TMEM245: variants seen among roughly 807,000 people sequenced by gnomAD.
TMEM245 encodes the protein transmembrane protein 245, also known as protein CG-2.
Under a neutral mutation model 101.2 loss-of-function variants are expected in TMEM245, and 69 were observed. The ratio of observed to expected loss-of-function variants is 0.68; its 90% CI spans 0.56 to 0.83. The LOEUF (loss-of-function observed/expected upper bound fraction) is 0.83, where lower values mean the gene tolerates loss of function less well. TMEM245 is among the 40% of genes least tolerant of loss of function. TMEM245 has a pLI of 0.00. For missense variants in TMEM245, 1,075 were observed against 1,092.8 expected, an observed-to-expected ratio of 0.98 and a Z score of 0.23; for synonymous variants, 537 against 449.8, an observed-to-expected ratio of 1.19 and a Z score of -2.45.
At chr9:109,074,477 A>G (rs116960905) in intron 8 of TMEM245, among the ~76,000 whole-genome samples, 3,228 of 152,248 alleles carry the variant, frequency 0.021, 49 homozygotes, top group South Asian at 0.045. Context: ...ACAGGGAGAA[A>G]AGAAGCCACA....
intron 1 of TMEM245, among the ~76,000 whole-genome samples, chr9:109,118,670 G>A (rs1830797792): frequency 6.6e-6 from 1 of 152,224 alleles, no homozygotes; most frequent in East Asian, 1.9e-4. Context: ...TGGTACACCA[G>A]TCCCTGCACA....
chr9:109,078,951 C>T (rs948314730), intron 8 of TMEM245, among the ~76,000 whole-genome samples: 1 of 152,136 alleles, frequency 6.6e-6, no homozygotes, highest in Non-Finnish European at 1.5e-5. Context: ...GGACTTGACA[C>T]CAAAAGCACA....
At chr9:109,080,809 T>A in intron 8 of TMEM245, 30 bp downstream of exon 8, 1 of 1,337,624 alleles carries the variant, frequency 7.5e-7, no homozygotes, top group Non-Finnish European at 1.1e-6. Flanking sequence ...TAAGGGTTTA[T>A]TAATGAGAAT....
intron 17 of TMEM245, among the ~76,000 whole-genome samples, chr9:109,024,040 TTTC>T (rs1344175690): frequency 6.6e-6 from 1 of 152,094 alleles, no homozygotes; most frequent in Non-Finnish European, 1.5e-5. Flanking sequence ...TACAAATTCA[TTTC>T]ACCCCCTACC....
intron 8 of TMEM245, among the ~76,000 whole-genome samples, chr9:109,076,426 A>T (rs534243652): frequency 2.0e-5 from 3 of 151,896 alleles, no homozygotes; most frequent in Non-Finnish European, 4.4e-5. Context: ...GATACACCTA[A>T]TGTAAATGAC....
chr9:109,059,932 C>A lies in TMEM245; in HGVS notation c.1722+422G>T, dbSNP rs1376401623. ...ATGGAAAAAAAATGATATAAAATAT[C>A]TTATTAAATTTTTTCTAATGATTAT... On this transcript the variant is annotated intron_variant, in intron 11 of 17. Coordinates refer to ENST00000374586, the MANE Select transcript of TMEM245 (RefSeq NM_032012.4). 6.6e-5 allele frequency among the ~76,000 whole-genome samples: 10 copies of A among 151,802 alleles called. No individual in the cohort carries two copies. The East Asian group carries it at 1.9e-3, about 29-fold the overall frequency.
intron 9 of TMEM245, among the ~76,000 whole-genome samples, chr9:109,070,399 T>A (rs1274482061): frequency 6.6e-6 from 1 of 152,190 alleles, no homozygotes; most frequent in Non-Finnish European, 1.5e-5. Context: ...ACTCACTAAT[T>A]TCCAAAGCTA....
chr9:109,108,080 A>G (rs955162787), intron 2 of TMEM245, among the ~76,000 whole-genome samples: 7 of 152,134 alleles, frequency 4.6e-5, no homozygotes, highest in Non-Finnish European at 8.8e-5. Flanking sequence ...CCTCTTATCC[A>G]GAGTAAACAT....
chr9:109,114,988 C>A (rs1020394306), intron 1 of TMEM245, among the ~76,000 whole-genome samples: 1 of 152,072 alleles, frequency 6.6e-6, no homozygotes, highest in African/African-American at 2.4e-5. Context: ...TTTTAGGAGA[C>A]TGAAGAAATC....
intron 9 of TMEM245, among the ~76,000 whole-genome samples, chr9:109,069,286 A>G (rs1829261539): frequency 6.6e-6 from 1 of 152,110 alleles, no homozygotes; most frequent in South Asian, 2.1e-4. Flanking sequence ...AGTACAGAAG[A>G]ATGACCCAAA....
At chr9:109,031,387 T>C (rs1264714365) in intron 17 of TMEM245, among the ~76,000 whole-genome samples, 2 of 152,166 alleles carry the variant, frequency 1.3e-5, no homozygotes, top group Non-Finnish European at 2.9e-5. Flanking sequence ...TTAAATGAGA[T>C]TGTAATATAT....
intron 10 of TMEM245, among the ~76,000 whole-genome samples, chr9:109,063,544 A>G (rs1829078558): frequency 6.6e-6 from 1 of 152,330 alleles, no homozygotes; most frequent in African/African-American, 2.4e-5. Flanking sequence ...TACTGCAACA[A>G]ATCCTGTCGA....
intron 3 of TMEM245, among the ~76,000 whole-genome samples, chr9:109,102,853 T>G (rs1830315890): frequency 6.6e-6 from 1 of 152,212 alleles, no homozygotes; most frequent in Non-Finnish European, 1.5e-5. Flanking sequence ...AGTAAAGTAT[T>G]GGTCAACTGT....
intron 12 of TMEM245, among the ~76,000 whole-genome samples, chr9:109,052,083 T>C (rs187880198): frequency 1.3e-5 from 2 of 152,216 alleles, no homozygotes; most frequent in Admixed American, 1.3e-4. Context: ...AAAGGAGAGG[T>C]ACAATATTTA....
intron 3 of TMEM245, among the ~76,000 whole-genome samples, chr9:109,095,318 C>CA (rs1830110711): frequency 6.6e-6 from 1 of 152,134 alleles, no homozygotes; most frequent in Non-Finnish European, 1.5e-5. Flanking sequence ...ACCCTGCCCC[C>CA]AGGGAGTATA....
intron 6 of TMEM245, 95 bp from the exon 7 acceptor site, chr9:109,086,115 G>A: frequency 7.2e-7 from 1 of 1,380,910 alleles, no homozygotes; most frequent in South Asian, 1.2e-5. Context: ...AGGAAAGCAT[G>A]AGAAGGAAAC....
intron 1 of TMEM245, among the ~76,000 whole-genome samples, chr9:109,118,506 G>C (rs1269337202): frequency 6.6e-6 from 1 of 152,184 alleles, no homozygotes; most frequent in Non-Finnish European, 1.5e-5. Context: ...GTCTGAGTTA[G>C]GAATTGTGTC....
chr9:109,063,985 T>C (rs1188746938), intron 10 of TMEM245, among the ~76,000 whole-genome samples: 1 of 152,190 alleles, frequency 6.6e-6, no homozygotes, highest in East Asian at 1.9e-4. Context: ...AGCTCTGCAA[T>C]TTACTACACG....
At chr9:109,079,014 T>C (rs80332528) in intron 8 of TMEM245, among the ~76,000 whole-genome samples, 4,605 of 152,248 alleles carry the variant, frequency 0.03, 112 homozygotes, top group Non-Finnish European at 0.043. Context: ...TAAACACATC[T>C]GTGCACTGAA....
Sources: allele counts gnomAD v4.1 joint callset (sites outside exome capture counted in the v4.1 genomes callset), GRCh38; gene constraint gnomAD v4.1.1; transcripts MANE v1.5; gene names NCBI Gene and HGNC (gene_info 2026-07-23, HGNC 2026-07-21).